The following GABRG3 variants were observed in gnomAD, a reference collection of about 807,000 sequenced individuals.
GABRG3 encodes the protein gamma-aminobutyric acid receptor subunit gamma-3.
In GABRG3, 25 loss-of-function variants were observed where a neutral mutation model predicts 48.8. The observed-to-expected ratio is 0.51, with a 90% CI of 0.37 to 0.72. The LOEUF (loss-of-function observed/expected upper bound fraction) is 0.72. Ranked by LOEUF, GABRG3 falls within the 30% of genes least tolerant of loss-of-function variation. The pLI, the probability that GABRG3 is intolerant of heterozygous loss-of-function variation, is 0.00. For missense variants in GABRG3, 394 were observed against 577.9 expected (o/e 0.68, Z 3.26); for synonymous variants, 227 against 217.6 (o/e 1.04, Z -0.38).
intron 3 of GABRG3, among the ~76,000 whole-genome samples, chr15:27,255,478 C>T (rs1000429504): frequency 6.6e-6 from 1 of 152,196 alleles, no homozygotes; most frequent in African/African-American, 2.4e-5. Flanking sequence ...AGGGACAAAA[C>T]GGAACTAAAT....
At chr15:27,212,889 C>T (rs1889120440) in intron 3 of GABRG3, among the ~76,000 whole-genome samples, 1 of 152,202 alleles carries the variant, frequency 6.6e-6, no homozygotes, top group African/African-American at 2.4e-5. Context: ...AAGGCTCATC[C>T]ATGTTGTTGC....
chr15:27,493,710 G>A (rs1175857498), intron 6 of GABRG3, among the ~76,000 whole-genome samples: 1 of 152,134 alleles, frequency 6.6e-6, no homozygotes, highest in Admixed American at 6.5e-5. Context: ...ATAACTATTA[G>A]TTATATTCTT....
intron 3 of GABRG3, among the ~76,000 whole-genome samples, chr15:27,168,216 C>G (rs1047182978): frequency 1.3e-5 from 2 of 151,922 alleles, no homozygotes; most frequent in African/African-American, 4.8e-5. Context: ...GGGGGAGCAG[C>G]TGGAGTTGAG....
chr15:27,460,987 A>C (rs1321148722), intron 5 of GABRG3, among the ~76,000 whole-genome samples: 1 of 152,190 alleles, frequency 6.6e-6, no homozygotes, highest in African/African-American at 2.4e-5. Context: ...GCCCTAAAAC[A>C]GGTCTCTGCT....
chr15:27,347,014 A>C (rs1894397456), intron 5 of GABRG3, among the ~76,000 whole-genome samples: 1 of 652 alleles, frequency 1.5e-3, no homozygotes, highest in Non-Finnish European at 2.9e-3. Flanking sequence ...GGCATGCCTT[A>C]TAGTTTTTTA....
chr15:27,521,019 G>A (rs902468104), intron 7 of GABRG3, among the ~76,000 whole-genome samples: 5 of 151,862 alleles, frequency 3.3e-5, no homozygotes, highest in Non-Finnish European at 5.9e-5. Flanking sequence ...TAGAATTGTA[G>A]GCAAATCAAC....
intron 5 of GABRG3, among the ~76,000 whole-genome samples, chr15:27,377,813 G>T (rs976017768): frequency 1.3e-5 from 2 of 152,176 alleles, no homozygotes; most frequent in Non-Finnish European, 2.9e-5. Flanking sequence ...TGTAAAGCTT[G>T]TATATATGGA....
intron 3 of GABRG3, among the ~76,000 whole-genome samples, chr15:27,244,080 G>C (rs555589015): frequency 6.6e-6 from 1 of 152,280 alleles, no homozygotes; most frequent in African/African-American, 2.4e-5. Flanking sequence ...AGAGCATATG[G>C]ATGTGAAGAC....
intron 3 of GABRG3, among the ~76,000 whole-genome samples, chr15:27,273,224 C>T (rs552157110): frequency 2.0e-5 from 3 of 152,214 alleles, no homozygotes; most frequent in East Asian, 1.9e-4. Context: ...TAACTGTATA[C>T]AGTTTATTTC....
At chr15:27,112,174 G>C (rs1366446544) in intron 3 of GABRG3, among the ~76,000 whole-genome samples, 1 of 152,032 alleles carries the variant, frequency 6.6e-6, no homozygotes, top group Non-Finnish European at 1.5e-5. Flanking sequence ...TGTGGATTCT[G>C]CTCCAAGCAA....
chr15:27,220,583 G>A (rs564129388), intron 3 of GABRG3, among the ~76,000 whole-genome samples: 3 of 152,260 alleles, frequency 2.0e-5, no homozygotes, highest in Admixed American at 6.5e-5. Flanking sequence ...TGACAGCAGT[G>A]GGCATTTTCC....
intron 3 of GABRG3, among the ~76,000 whole-genome samples, chr15:27,113,032 C>A (rs1439080290): frequency 6.6e-6 from 1 of 152,124 alleles, no homozygotes; most frequent in African/African-American, 2.4e-5. Context: ...ATTCAGATGA[C>A]TTCTGGAGGG....
chr15:27,491,257 C>G (rs1056148859), intron 6 of GABRG3, among the ~76,000 whole-genome samples: 2 of 152,210 alleles, frequency 1.3e-5, no homozygotes, highest in Non-Finnish European at 2.9e-5. Context: ...GCTCCCCTTC[C>G]CAGAGGGTAT....
chr15:27,480,771 C>T lies in GABRG3; in HGVS notation c.696C>T (p.Ile232=), dbSNP rs77771286. 8.7e-3 allele frequency: 14,014 copies of T among 1,613,704 alleles called. 117 individuals are homozygous for T. The highest frequency in any genetic ancestry group is 0.018 in the Middle Eastern group (110 of 6,062). The part of the protein sequence containing the change: ...DFMGLRNTTE[I]VTTSAGDYVV... ...TGGGCCTCAGAAACACCACAGAAATCGTGACAACGTCTGCAGGTAGGAATT... is the reference window on the plus strand; with the variant it reads ...TGGGCCTCAGAAACACCACAGAAATTGTGACAACGTCTGCAGGTAGGAATT... Residue 232 remains isoleucine, a synonymous_variant, in exon 6 of 10, where the codon ATC becomes ATT. Coordinates refer to ENST00000615808, the MANE Select transcript of GABRG3 (RefSeq NM_033223.5).
intron 3 of GABRG3, among the ~76,000 whole-genome samples, chr15:27,031,378 T>C (rs1437698393): frequency 6.6e-6 from 1 of 152,188 alleles, no homozygotes; most frequent in Non-Finnish European, 1.5e-5. Context: ...GTTTCCATAG[T>C]TTTGCTTTTT....
At chr15:27,401,232 C>T (rs908207800) in intron 5 of GABRG3, among the ~76,000 whole-genome samples, 4 of 152,072 alleles carry the variant, frequency 2.6e-5, no homozygotes, top group African/African-American at 4.8e-5. Flanking sequence ...AGCAGAGAGG[C>T]GCATATGTTA....
chr15:27,044,221 A>G (rs962286596), intron 3 of GABRG3, among the ~76,000 whole-genome samples: 5 of 152,184 alleles, frequency 3.3e-5, no homozygotes, highest in Admixed American at 6.5e-5. Flanking sequence ...CCTGAATGTC[A>G]GGAGGGGAGA....
At chr15:27,243,795 C>A (rs1277694979) in intron 3 of GABRG3, among the ~76,000 whole-genome samples, 5 of 152,130 alleles carry the variant, frequency 3.3e-5, no homozygotes, top group Admixed American at 2.6e-4. Flanking sequence ...TCTTAAAATG[C>A]ATGGCAGAAA....
intron 3 of GABRG3, among the ~76,000 whole-genome samples, chr15:27,281,802 A>C (rs1015033376): frequency 1.3e-5 from 2 of 152,058 alleles, no homozygotes; most frequent in Non-Finnish European, 2.9e-5. Context: ...TGAAGAGGAA[A>C]TAATAATCTA....
Sources: gnomAD v4.1 joint callset for allele counts (sites outside exome capture counted in the v4.1 genomes callset) on GRCh38, gnomAD v4.1.1 for gene constraint, MANE v1.5 for transcripts, NCBI Gene and HGNC (gene_info 2026-07-23, HGNC 2026-07-21) for gene names.